SLC22A23: variants seen among roughly 807,000 people sequenced by gnomAD.
SLC22A23 encodes ion transporter protein.
In SLC22A23, 26 loss-of-function variants were observed where a neutral mutation model predicts 61.0. The ratio of observed to expected loss-of-function variants is 0.43; its 90% CI spans 0.31 to 0.59. The LOEUF is 0.59. Among genes scored for constraint, SLC22A23 ranks in the 20% least tolerant of loss-of-function variants. The probability of loss-of-function intolerance (pLI) is 0.11; values close to 1 mark genes in which losing one functional copy is unlikely to be tolerated. For synonymous variants in SLC22A23, 430 were observed against 413.9 expected, an observed-to-expected ratio of 1.04 and a Z score of -0.47; for missense variants, 796 against 934.7, an observed-to-expected ratio of 0.85 and a Z score of 1.94.
chr6:3,297,479 C>A lies in SLC22A23; in HGVS notation c.1210+612G>T, dbSNP rs1761211095. ...AGGGCTTATCCCAAATCTAACAGGT[C>A]AGGATCTCCAGGTGCCAGGGAGAGG... On this transcript the variant is annotated intron_variant, in intron 5 of 9. Coordinates refer to ENST00000406686, the MANE Select transcript of SLC22A23 (RefSeq NM_015482.2). The surrounding 1 kb of genome is among the most constrained non-coding windows in gnomAD (Gnocchi z 4.3). 6.6e-6 allele frequency among the ~76,000 whole-genome samples: 1 copy of A among 152,210 alleles called. No homozygotes were observed. The highest frequency in any genetic ancestry group is 2.1e-4 in the South Asian group (1 of 4,836).
intron 1 of SLC22A23, among the ~76,000 whole-genome samples, chr6:3,443,461 G>C (rs1037325747): frequency 6.6e-6 from 1 of 152,182 alleles, no homozygotes; most frequent in Non-Finnish European, 1.5e-5. Context: ...TAGAAGAGAA[G>C]CCTCAGGAGG....
chr6:3,444,858 G>T (rs1461215053), intron 1 of SLC22A23: 2 of 985,486 alleles, frequency 2.0e-6, no homozygotes, highest in African/African-American at 3.5e-5. Flanking sequence ...GAAGGCGGCA[G>T]ACACCTGGCA....
Position 3,272,918 on chromosome 6 carries a change from G to T in SLC22A23, c.*137C>A. ...CGCTCCTTGGACTTTTGGAAAGACA[G>T]GATTTCCCCACACCAGTTGAGAGGC... On this transcript the variant is annotated 3_prime_UTR_variant, in exon 10 of 10. Coordinates refer to ENST00000406686, the MANE Select transcript of SLC22A23 (RefSeq NM_015482.2). The T allele has an allele frequency of 2.6e-6, 2 of 767,032 alleles. No homozygotes were observed. The highest frequency in any genetic ancestry group is 4.1e-6 in the Non-Finnish European group (2 of 486,512). 47.5% of individuals were successfully genotyped at this position (767,032 alleles called of 1,614,324 possible). A position where few individuals can be genotyped will look rare whatever the true frequency, so the allele number is the denominator to read the frequency against.
At chr6:3,407,727 T>C (rs890596203) in intron 3 of SLC22A23, among the ~76,000 whole-genome samples, 6 of 152,262 alleles carry the variant, frequency 3.9e-5, no homozygotes, top group African/African-American at 7.2e-5. Context: ...TTTGTCATGA[T>C]GTTTGTTTAA....
At chr6:3,395,435 T>A (rs1192329546) in intron 3 of SLC22A23, among the ~76,000 whole-genome samples, 1 of 152,244 alleles carries the variant, frequency 6.6e-6, no homozygotes, top group Non-Finnish European at 1.5e-5. Flanking sequence ...ATCAGCTTCA[T>A]TAGCAAGAAG....
chr6:3,336,443 T>C (rs13436964), intron 3 of SLC22A23, among the ~76,000 whole-genome samples: 32,908 of 152,202 alleles, frequency 0.22, 4,239 homozygotes, highest in African/African-American at 0.35. Context: ...CTGCTAAAAA[T>C]GCTACGTCAG....
chr6:3,278,564 C>T (rs1444017827), intron 9 of SLC22A23, among the ~76,000 whole-genome samples: 1 of 152,220 alleles, frequency 6.6e-6, no homozygotes, highest in African/African-American at 2.4e-5. Context: ...CAGGCACGTG[C>T]TGTTTGTGCT....
chr6:3,287,118 G>T (rs1263904384), intron 6 of SLC22A23, 27 bp from the exon 7 acceptor site: 1 of 1,606,884 alleles, frequency 6.2e-7, no homozygotes, highest in East Asian at 2.2e-5. Flanking sequence ...AGCGGCAGTG[G>T]GTGGGCTGCC....
At chr6:3,279,615 C>G (rs1277936378) in intron 9 of SLC22A23, among the ~76,000 whole-genome samples, 1 of 137,702 alleles carries the variant, frequency 7.3e-6, no homozygotes, top group African/African-American at 2.6e-5. Flanking sequence ...TTTTTTTTCT[C>G]TCTTGAAATC....
chr6:3,270,011 C>T lies in SLC22A23; in HGVS notation c.*3044G>A, dbSNP rs532497416. ...TAAACAAAAACATGTAACCTTTTTCCTGTTTCTCTTGGGTGGTAATAATTT... is the reference window on the plus strand; with the variant it reads ...TAAACAAAAACATGTAACCTTTTTCTTGTTTCTCTTGGGTGGTAATAATTT... On this transcript the variant is annotated 3_prime_UTR_variant, in exon 10 of 10. Coordinates refer to ENST00000406686, the MANE Select transcript of SLC22A23 (RefSeq NM_015482.2). The T allele has an allele frequency of 2.9e-4, 44 of 152,760 alleles. No individual in the cohort carries two copies. Among genetic ancestry groups the T allele is most frequent in the East Asian group, 5.6e-4 (3 of 5,328 alleles). The allele number at this position is 152,760 out of a possible 1,614,324, so 9.5% of individuals were successfully genotyped here. A position where few individuals can be genotyped will look rare whatever the true frequency, so the allele number is the denominator to read the frequency against.
intron 5 of SLC22A23, among the ~76,000 whole-genome samples, chr6:3,294,996 C>T (rs943728156): frequency 2.0e-5 from 3 of 152,228 alleles, no homozygotes; most frequent in African/African-American, 7.2e-5. Context: ...GGCAATGCAA[C>T]CGCAATCCTA....
In SLC22A23 at chr6:3,386,258, C is replaced by G. The variant is rs1412530442; in HGVS notation, c.913+23930G>C. On this transcript the variant is annotated intron_variant, in intron 3 of 9. Coordinates refer to ENST00000406686, the MANE Select transcript of SLC22A23 (RefSeq NM_015482.2). The surrounding 1 kb of genome is among the most constrained non-coding windows in gnomAD (Gnocchi z 4.4). ...GTGCACGGTTAGGGGTTTAGAAACCCAAGGCAGGGGAGGTAGGAAGGGGAG... is the reference window on the plus strand; with the variant it reads ...GTGCACGGTTAGGGGTTTAGAAACCGAAGGCAGGGGAGGTAGGAAGGGGAG... Among the ~76,000 whole-genome samples, 1 of 152,106 alleles carries G rather than the reference C, an allele frequency of 6.6e-6. No homozygotes were observed. The highest frequency in any genetic ancestry group is 1.5e-5 in the Non-Finnish European group (1 of 68,028).
At chr6:3,366,375 A>T (rs1765836043) in intron 3 of SLC22A23, among the ~76,000 whole-genome samples, 1 of 147,996 alleles carries the variant, frequency 6.8e-6, no homozygotes, top group Admixed American at 6.7e-5. Flanking sequence ...AGAAAGAAAG[A>T]GAAGGGTATG....
intron 9 of SLC22A23, among the ~76,000 whole-genome samples, chr6:3,275,864 G>T (rs943434388): frequency 5.3e-5 from 8 of 152,348 alleles, no homozygotes; most frequent in Admixed American, 3.3e-4. Context: ...TTACAGGCGT[G>T]AGCCACCACG....
chr6:3,315,334 A>C (rs1422537515), intron 4 of SLC22A23, among the ~76,000 whole-genome samples: 1 of 152,220 alleles, frequency 6.6e-6, no homozygotes, highest in Non-Finnish European at 1.5e-5. Flanking sequence ...CCGTGACTGA[A>C]GACTCCACAA....
chr6:3,323,416 C>T (rs2127399119), intron 4 of SLC22A23: 1 of 449,944 alleles, frequency 2.2e-6, no homozygotes, highest in Non-Finnish European at 4.4e-6. Flanking sequence ...GGTTGCCCAC[C>T]CCTCGCCTAG....
chr6:3,411,862 G>A (rs531719008), intron 2 of SLC22A23, among the ~76,000 whole-genome samples: 7 of 152,202 alleles, frequency 4.6e-5, no homozygotes, highest in Admixed American at 1.3e-4. Flanking sequence ...CTGGGATCAG[G>A]AAGCCCTTAC....
At chr6:3,396,130 T>G (rs1010795424) in intron 3 of SLC22A23, among the ~76,000 whole-genome samples, 1 of 152,146 alleles carries the variant, frequency 6.6e-6, no homozygotes, top group Admixed American at 6.5e-5. Context: ...CTTAGTGATA[T>G]ACGGAAGGGA....
chr6:3,349,560 A>C (rs1764643553), intron 3 of SLC22A23, among the ~76,000 whole-genome samples: 1 of 152,138 alleles, frequency 6.6e-6, no homozygotes, highest in South Asian at 2.1e-4. Context: ...CTCACAGCCT[A>C]GTTTGCAGTT....
Sources: allele counts gnomAD v4.1 joint callset (sites outside exome capture counted in the v4.1 genomes callset), GRCh38; gene constraint gnomAD v4.1.1; non-coding constraint Gnocchi (gnomAD v3.1); transcripts MANE v1.5; gene names NCBI Gene and HGNC (gene_info 2026-07-23, HGNC 2026-07-21).